Variants in NUDT21 observed in about 807,000 individuals in gnomAD.
NUDT21 encodes cleavage and polyadenylation specificity factor subunit 5.
In NUDT21, 5 loss-of-function variants were observed where a neutral mutation model predicts 29.8. The ratio of observed to expected loss-of-function variants is 0.17; its 90% CI spans 0.09 to 0.35. The LOEUF (loss-of-function observed/expected upper bound fraction) is 0.35, where lower values mean the gene tolerates loss of function less well. NUDT21 is among the 10% of genes least tolerant of loss of function. NUDT21 has a pLI of 1.00. For missense variants in NUDT21, 76 were observed against 276.0 expected (o/e 0.28, Z 5.13); for synonymous variants, 113 against 98.5 (o/e 1.15, Z -0.87).
In NUDT21 at chr16:56,431,304, G is replaced by A. The variant is rs1176162313; in HGVS notation, c.*1408C>T. On this transcript the variant is annotated 3_prime_UTR_variant, in exon 7 of 7. Transcript: ENST00000300291. Reference sequence around the variant, plus strand: ...TAGTGGCTTTTTCAAAGGAAACTGGGGCATTTTTGATCATGGAGACTGGTG... The same window carrying A: ...TAGTGGCTTTTTCAAAGGAAACTGGAGCATTTTTGATCATGGAGACTGGTG... 1 of 152,148 alleles carries A rather than the reference G, an allele frequency of 6.6e-6. No individual in the cohort carries two copies. The highest frequency in any genetic ancestry group is 2.4e-5 in the African/African-American group (1 of 41,404). The allele number at this position is 152,148 out of a possible 1,614,324, so 9.4% of individuals were successfully genotyped here.
At chr16:56,442,844 T>C (rs975738674) in intron 3 of NUDT21, among the ~76,000 whole-genome samples, 5 of 152,216 alleles carry the variant, frequency 3.3e-5, no homozygotes, top group Non-Finnish European at 2.9e-5. Context: ...TATTTTCTGG[T>C]AGAATGAACC....
In NUDT21 at chr16:56,439,856, A is replaced by G. The variant is rs919822178; in HGVS notation, c.382-110T>C. On this transcript the variant is annotated intron_variant, in intron 3 of 6. Transcript: ENST00000300291. ...TGCTCCTAATTGAAACATAGGGATAATATGCCTTCCATACAGATTTTCTAT... is the reference window on the plus strand; with the variant it reads ...TGCTCCTAATTGAAACATAGGGATAGTATGCCTTCCATACAGATTTTCTAT... 7.3e-6 allele frequency: 6 copies of G among 816,798 alleles called. No homozygotes were observed. In the East Asian group the frequency reaches 1.2e-4, roughly 17 times the overall value. The allele number at this position is 816,798 out of a possible 1,614,324, so 50.6% of individuals were successfully genotyped here.
intron 4 of NUDT21, among the ~76,000 whole-genome samples, chr16:56,438,276 T>C (rs1458155561): frequency 6.6e-6 from 1 of 152,208 alleles, no homozygotes; most frequent in African/African-American, 2.4e-5. Flanking sequence ...CACTATCTCT[T>C]GGATCACACA....
intron 2 of NUDT21, 99 bp downstream of exon 2, chr16:56,447,690 G>C: frequency 2.9e-6 from 3 of 1,031,660 alleles, no homozygotes; most frequent in Non-Finnish European, 2.9e-6. Context: ...AGCAGTGTTT[G>C]TTGAAATGAA....
chr16:56,440,303 C>T (rs1275299225), intron 3 of NUDT21, among the ~76,000 whole-genome samples: 12 of 152,238 alleles, frequency 7.9e-5, no homozygotes, highest in Admixed American at 7.2e-4. Context: ...CTGTTAACAT[C>T]TCACACTAGT....
chr16:56,435,743 T>TTATATATATATATATATATATA (rs777245596), intron 4 of NUDT21, among the ~76,000 whole-genome samples: 3 of 27,052 alleles, frequency 1.1e-4, no homozygotes, highest in Admixed American at 7.7e-4. Flanking sequence ...AAAAAAAAAA[T>TTATATATATATATATATATATA]TATATATATA....
At chr16:56,442,412 T>C (rs1344565275) in intron 3 of NUDT21, among the ~76,000 whole-genome samples, 2 of 152,220 alleles carry the variant, frequency 1.3e-5, no homozygotes, top group African/African-American at 4.8e-5. Context: ...GAGATTATAT[T>C]CTCTCAAAAT....
chr16:56,434,850 AAC>A, intron 4 of NUDT21, 21 bp from the exon 5 acceptor site: 10 of 1,357,932 alleles, frequency 7.4e-6, no homozygotes, highest in Non-Finnish European at 1.1e-5. Flanking sequence ...AAATGAATAC[AAC>A]TTTAATATGT....
intron 3 of NUDT21, among the ~76,000 whole-genome samples, chr16:56,442,137 C>T (rs1962166343): frequency 6.6e-6 from 1 of 152,238 alleles, no homozygotes; most frequent in Admixed American, 6.5e-5. Flanking sequence ...CCATCTCAGC[C>T]TCCCAAAGTG....
chr16:56,431,332 C>T lies in NUDT21; in HGVS notation c.*1380G>A, dbSNP rs1370909027. 6.6e-6 allele frequency: 1 copy of T among 152,158 alleles called. No individual in the cohort carries two copies. Among genetic ancestry groups the T allele is most frequent in the Non-Finnish European group, 1.5e-5 (1 of 68,046 alleles). 9.4% of individuals were successfully genotyped at this position (152,158 alleles called of 1,614,324 possible). ...ATTTTTGATCATGGAGACTGGTGCT[C>T]ACCTACCATGAAGGACATGCACAGT... On this transcript the variant is annotated 3_prime_UTR_variant, in exon 7 of 7. Transcript: ENST00000300291.
chr16:56,450,339 T>C (rs1389550474), intron 1 of NUDT21, among the ~76,000 whole-genome samples: 1 of 152,212 alleles, frequency 6.6e-6, no homozygotes, highest in African/African-American at 2.4e-5. Flanking sequence ...AATGCAATGG[T>C]TTGAAGTGTT....
intron 4 of NUDT21, among the ~76,000 whole-genome samples, chr16:56,436,221 T>C (rs1181867116): frequency 6.6e-6 from 1 of 151,954 alleles, no homozygotes; most frequent in Non-Finnish European, 1.5e-5. Flanking sequence ...GAATTTAAAA[T>C]TGCTGAAAAC....
intron 3 of NUDT21, among the ~76,000 whole-genome samples, chr16:56,445,609 T>G (rs1325908061): frequency 6.6e-6 from 1 of 152,236 alleles, no homozygotes; most frequent in Non-Finnish European, 1.5e-5. Context: ...TTTCAGCCCA[T>G]GCATGCCCCC....
At chr16:56,441,736 G>C (rs375840826) in intron 3 of NUDT21, among the ~76,000 whole-genome samples, 4 of 152,258 alleles carry the variant, frequency 2.6e-5, no homozygotes, top group East Asian at 1.9e-4. Context: ...TTAGCAAACC[G>C]TATCTCCTTA....
chr16:56,447,663 CT>C (rs1962234349), intron 2 of NUDT21, 125 bp downstream of exon 2: 1 of 774,644 alleles, frequency 1.3e-6, no homozygotes, highest in East Asian at 2.7e-5. Flanking sequence ...TTTTCTCTTT[CT>C]AAAGACATCA....
rs1240110924 is a variant in NUDT21, at chr16:56,450,949, G to A, written c.116+138C>T. The A allele has an allele frequency of 2.3e-5, 15 of 666,588 alleles. No individual in the cohort carries two copies. The East Asian group carries it at 4.2e-4, about 18-fold the overall frequency. The allele number at this position is 666,588 out of a possible 1,614,324, so 41.3% of individuals were successfully genotyped here. On this transcript the variant is annotated intron_variant, in intron 1 of 6. Coordinates refer to ENST00000300291, the MANE Select transcript of NUDT21 (RefSeq NM_007006.3). ...TGAGAAAGGGGCCTGAGAGAGGGAG[G>A]AAGGCGCGCATCCGCCAGCGGGAGT... is the stretch of plus-strand genomic sequence containing the variant.
At chr16:56,436,320 A>G (rs1276493599) in intron 4 of NUDT21, among the ~76,000 whole-genome samples, 1 of 152,214 alleles carries the variant, frequency 6.6e-6, no homozygotes, top group East Asian at 1.9e-4. Context: ...ACATGCTAAG[A>G]GAGGCTAAGT....
At chr16:56,441,512 C>T (rs1381211289) in intron 3 of NUDT21, among the ~76,000 whole-genome samples, 1 of 152,108 alleles carries the variant, frequency 6.6e-6, no homozygotes, top group South Asian at 2.1e-4. Context: ...GGATTACTGG[C>T]GTGAGCCACT....
intron 3 of NUDT21, among the ~76,000 whole-genome samples, chr16:56,444,579 G>A (rs1443473482): frequency 6.7e-5 from 8 of 119,178 alleles, no homozygotes; most frequent in Admixed American, 1.1e-4. Context: ...CAGCCTGGGC[G>A]ACAAGAGTGA....
Sources: gnomAD v4.1 joint callset for allele counts (sites outside exome capture counted in the v4.1 genomes callset) on GRCh38, gnomAD v4.1.1 for gene constraint, MANE v1.5 for transcripts, NCBI Gene and HGNC (gene_info 2026-07-23, HGNC 2026-07-21) for gene names.